Variants in ARHGEF10 observed in about 807,000 individuals in gnomAD.
ARHGEF10 encodes Rho guanine nucleotide exchange factor 10, also known as Rho guanine nucleotide exchange factor (GEF) 10.
Under a neutral mutation model 147.4 loss-of-function variants are expected in ARHGEF10, and 140 were observed. That is an observed-to-expected ratio of 0.95 (90% CI 0.83 to 1.09). The LOEUF (loss-of-function observed/expected upper bound fraction) is 1.09. Among genes scored for constraint, ARHGEF10 ranks in the 50% least tolerant of loss-of-function variants. The pLI is 0.00. For missense variants in ARHGEF10, 2,222 were observed against 1,752.7 expected (o/e 1.27, Z -4.78); for synonymous variants, 902 against 695.8 (o/e 1.30, Z -4.67).
At chr8:1,844,280 G>A (rs955436830) in intron 2 of ARHGEF10, among the ~76,000 whole-genome samples, 1 of 152,148 alleles carries the variant, frequency 6.6e-6, no homozygotes, top group South Asian at 2.1e-4. Context: ...CTCAGAGATT[G>A]TAGCTGGATC....
Position 1,937,367 on chromosome 8 carries a change from G to C in ARHGEF10, c.3222+3425G>C, listed in dbSNP as rs985552569. Among the ~76,000 whole-genome samples, 1 of 152,196 alleles carries C rather than the reference G, an allele frequency of 6.6e-6. No homozygotes were observed. Among genetic ancestry groups the C allele is most frequent in the African/African-American group, 2.4e-5 (1 of 41,452 alleles). On this transcript the variant is annotated intron_variant, in intron 26 of 28. Coordinates refer to ENST00000349830, the MANE Select transcript of ARHGEF10 (RefSeq NM_014629.4). The surrounding 1 kb of genome is among the most constrained non-coding windows in gnomAD (Gnocchi z 4.9). ...CCATCCTAGTAATTGCGTATTTACA[G>C]AGGGAGCTCAGCCATATAGTATACG...
chr8:1,844,967 CA>C (rs1207960539), intron 2 of ARHGEF10, among the ~76,000 whole-genome samples: 3 of 152,054 alleles, frequency 2.0e-5, no homozygotes, highest in African/African-American at 7.3e-5. Context: ...CCCATCTCTG[CA>C]AAAATAATGA....
chr8:1,857,894 CT>C, intron 2 of ARHGEF10, 65 bp from the exon 3 acceptor site: 1 of 1,105,578 alleles, frequency 9.0e-7, no homozygotes, highest in Non-Finnish European at 1.4e-6. Context: ...ATCTATCTAT[CT>C]ATCTATCTAT....
chr8:1,876,211 C>G (rs958691199), intron 7 of ARHGEF10: 2 of 319,510 alleles, frequency 6.3e-6, no homozygotes, highest in Admixed American at 4.6e-5. Flanking sequence ...TCAAAACATC[C>G]TGTAAGTTTA....
At chr8:1,909,889 C>G (rs1239001887) in intron 18 of ARHGEF10, among the ~76,000 whole-genome samples, 1 of 152,218 alleles carries the variant, frequency 6.6e-6, no homozygotes, top group Admixed American at 6.5e-5. Flanking sequence ...CCTGCTCACA[C>G]TGCTGGGCAG....
In ARHGEF10 at chr8:1,840,032, T is replaced by G. The variant is rs1228962341; in HGVS notation, c.-47-3321T>G. On this transcript the variant is annotated intron_variant, in intron 1 of 28. Transcript: ENST00000349830. ...AAGCTGTCCGATATGGGGACTGTCC[T>G]GTGTGGAAGCTGTCCGATATGGGGA... 2.5e-3 allele frequency among the ~76,000 whole-genome samples: 214 copies of G among 85,460 alleles called. 1 individual carries two copies. The highest frequency in any genetic ancestry group is 0.021 in the Middle Eastern group (2 of 96). The allele number at this position is 85,460 out of a possible 152,430, so 56.1% of individuals were successfully genotyped here.
chr8:1,915,395 C>T (rs897841693), intron 18 of ARHGEF10, among the ~76,000 whole-genome samples: 3 of 152,236 alleles, frequency 2.0e-5, no homozygotes, highest in Non-Finnish European at 4.4e-5. Context: ...TTCATACTTT[C>T]ACAAAATGAG....
chr8:1,896,164 C>T (rs1007096652), intron 13 of ARHGEF10, among the ~76,000 whole-genome samples, 169 bp from the exon 14 acceptor site: 1 of 152,204 alleles, frequency 6.6e-6, no homozygotes, highest in East Asian at 1.9e-4. Flanking sequence ...ACTCCTAACA[C>T]GCTTGCTTAA....
intron 25 of ARHGEF10, 140 bp from the exon 26 acceptor site, chr8:1,933,660 C>A: frequency 8.7e-7 from 1 of 1,143,916 alleles, no homozygotes; most frequent in Non-Finnish European, 1.3e-6. Flanking sequence ...GATCCCCAGA[C>A]ACAGCCAGGA....
chr8:1,903,477 A>C (rs1027663521), intron 16 of ARHGEF10, 26 bp downstream of exon 16: 1 of 1,613,068 alleles, frequency 6.2e-7, no homozygotes, highest in African/African-American at 1.3e-5. Flanking sequence ...CTTCAACTCT[A>C]TTCCAAAATT....
At chr8:1,913,784 A>G (rs959418550) in intron 18 of ARHGEF10, among the ~76,000 whole-genome samples, 4 of 152,198 alleles carry the variant, frequency 2.6e-5, no homozygotes, top group African/African-American at 9.7e-5. Flanking sequence ...CCTGAGTGCC[A>G]GGAGTGCTTC....
At position 1,948,947 on chromosome 8, in the gene ARHGEF10, G is replaced by T. The variant is rs1814807136; in HGVS notation, c.3397+3292G>T. Among the ~76,000 whole-genome samples, 1 of 152,026 alleles carries T rather than the reference G, an allele frequency of 6.6e-6. No homozygotes were observed. The highest frequency in any genetic ancestry group is 2.4e-5 in the African/African-American group (1 of 41,362). ...TCCTGGAGGCCCACACATGTCCTCT[G>T]TGCTCTGTTCGCACACACACAAAAC... On this transcript the variant is annotated intron_variant, in intron 27 of 28. Transcript: ENST00000349830. The surrounding 1 kb of genome is among the most constrained non-coding windows in gnomAD (Gnocchi z 4.9).
chr8:1,839,705 A>AAT (rs1803848056), intron 1 of ARHGEF10, among the ~76,000 whole-genome samples: 3 of 82,200 alleles, frequency 3.6e-5, no homozygotes, highest in Admixed American at 1.2e-4. Flanking sequence ...CGGTGTGGGG[A>AAT]CTGTCTGGTG....
chr8:1,851,327 C>T (rs1328973112), intron 2 of ARHGEF10, among the ~76,000 whole-genome samples: 1 of 150,564 alleles, frequency 6.6e-6, no homozygotes, highest in East Asian at 2.0e-4. Context: ...GCACCAGGAG[C>T]GAGGCCTCAC....
rs150727103 is a variant in ARHGEF10 at position 1,876,781 on chromosome 8, C to G, written c.843+47C>G. Reference sequence around the variant, plus strand: ...GAGGGATGGTTCTCTCGCGTTAACACGGACAGGGGGCTGTGAATATGATTG... The same window carrying G: ...GAGGGATGGTTCTCTCGCGTTAACAGGGACAGGGGGCTGTGAATATGATTG... On this transcript the variant is annotated intron_variant, in intron 8 of 28. Transcript: ENST00000349830. 3.8e-3 allele frequency: 6,124 copies of G among 1,594,240 alleles called. 17 individuals are homozygous for G. Among genetic ancestry groups the G allele is most frequent in the Non-Finnish European group, 4.5e-3 (5,223 of 1,162,090 alleles).
intron 2 of ARHGEF10, 95 bp downstream of exon 2, chr8:1,843,531 T>G (rs1804258803): frequency 2.2e-6 from 2 of 924,346 alleles, no homozygotes; most frequent in Non-Finnish European, 3.5e-6. Flanking sequence ...TGCTGGTCAC[T>G]GGGGTATGGG....
chr8:1,880,621 G>A (rs1285920244), intron 9 of ARHGEF10, among the ~76,000 whole-genome samples: 1 of 152,040 alleles, frequency 6.6e-6, no homozygotes, highest in East Asian at 1.9e-4. Flanking sequence ...TAAAACCCTG[G>A]TAAACAAAAG....
intron 2 of ARHGEF10, among the ~76,000 whole-genome samples, chr8:1,845,668 C>T (rs532089634): frequency 5.3e-5 from 8 of 152,308 alleles, no homozygotes; most frequent in East Asian, 1.9e-4. Context: ...CATTTGCTGA[C>T]GTCGTCATCA....
At chr8:1,955,342 T>A (rs76291516) in intron 28 of ARHGEF10, among the ~76,000 whole-genome samples, 3 of 48,240 alleles carry the variant, frequency 6.2e-5, no homozygotes, top group Middle Eastern at 0.013. Flanking sequence ...GTGCACTCAC[T>A]GTGTTTCTCT....
Sources: gnomAD v4.1 joint callset for allele counts (sites outside exome capture counted in the v4.1 genomes callset) on GRCh38, gnomAD v4.1.1 for gene constraint, Gnocchi (gnomAD v3.1) non-coding constraint, MANE v1.5 for transcripts, NCBI Gene and HGNC (gene_info 2026-07-23, HGNC 2026-07-21) for gene names.